The following PTPRS variants were observed in gnomAD, a reference collection of about 807,000 sequenced individuals.
PTPRS encodes receptor-type tyrosine-protein phosphatase S.
In PTPRS, 63 loss-of-function variants were observed where a neutral mutation model predicts 215.3. That is an observed-to-expected ratio of 0.29 (90% CI 0.24 to 0.36). PTPRS has a LOEUF of 0.36. Among genes scored for constraint, PTPRS ranks in the 10% least tolerant of loss-of-function variants. The pLI, the probability that PTPRS is intolerant of heterozygous loss-of-function variation, is 1.00. For synonymous variants in PTPRS, 1,404 were observed against 1,191.4 expected (o/e 1.18, Z -3.68); for missense variants, 2,258 against 2,825.8 (o/e 0.80, Z 4.56).
At chr19:5,249,466 G>T (rs993946253) in intron 9 of PTPRS, among the ~76,000 whole-genome samples, 1 of 152,218 alleles carries the variant, frequency 6.6e-6, no homozygotes, top group African/African-American at 2.4e-5. Flanking sequence ...ACTCAGAGAG[G>T]TGACAAGACT....
At chr19:5,315,491 G>A (rs1432620506) in intron 1 of PTPRS, among the ~76,000 whole-genome samples, 1 of 150,018 alleles carries the variant, frequency 6.7e-6, no homozygotes, top group African/African-American at 2.5e-5. Flanking sequence ...AGCCTCCCGA[G>A]TAGCTGTGGC....
intron 1 of PTPRS, among the ~76,000 whole-genome samples, chr19:5,304,725 C>T (rs1291635253): frequency 1.3e-5 from 2 of 151,958 alleles, no homozygotes; most frequent in Non-Finnish European, 2.9e-5. Context: ...GAGGTGATGT[C>T]TAAGATGAGA....
rs1014303618 is a variant in PTPRS, at chr19:5,223,054, A to C, written c.2738T>G (p.Leu913Arg). Residue 913 changes from leucine to arginine, a missense_variant, in exon 18 of 38, where the codon CTG becomes CGG. This residue lies in a region of PTPRS where 361 missense variants were observed against 332.6 expected (regional missense o/e 1.09). Transcript: ENST00000262963. ...FRLAARSRGG[L>R]GEEAAEVLSI... The stretch of plus-strand genomic sequence containing the variant: ...CAGGACCTCGGCTGCCTCCTCGCCC[A>C]GGCCGCCGCGGCTCCGGGCCGCAAG... 1.4e-5 allele frequency: 21 copies of C among 1,549,980 alleles called. No homozygotes were observed. In the Admixed American group the frequency reaches 1.9e-4, roughly 14 times the overall value.
intron 1 of PTPRS, among the ~76,000 whole-genome samples, chr19:5,331,127 T>TAAAAA (rs1568622692): frequency 1.2e-4 from 10 of 80,696 alleles, no homozygotes; most frequent in African/African-American, 4.3e-4. Context: ...GCTTCTTTTT[T>TAAAAA]TAAAAAAAAA....
chr19:5,234,073 C>A (rs1424203766), intron 13 of PTPRS, among the ~76,000 whole-genome samples: 1 of 145,878 alleles, frequency 6.9e-6, no homozygotes, highest in African/African-American at 2.5e-5. Context: ...GGGCTTCATA[C>A]AATAACAGCA....
chr19:5,239,043 C>A lies in PTPRS; in HGVS notation c.1725G>T (p.Pro575=). 2 of 1,612,202 alleles carry A rather than the reference C, an allele frequency of 1.2e-6. No individual in the cohort carries two copies. Among genetic ancestry groups the A allele is most frequent in the East Asian group, 2.2e-5 (1 of 44,714 alleles). Residue 575 remains proline, a synonymous_variant, in exon 13 of 38, where the codon CCG becomes CCT. Transcript: ENST00000262963. ...GGTCCTCCACCACGTAGGAAGTCGTCGGGTCGAAGGTCCTTCCCACCTGGG... is the reference window on the plus strand; with the variant it reads ...GGTCCTCCACCACGTAGGAAGTCGTAGGGTCGAAGGTCCTTCCCACCTGGG... ...HGREVGRTFD[P]TTSYVVEDLK... is the part of the protein sequence containing the mutation.
intron 35 of PTPRS, among the ~76,000 whole-genome samples, chr19:5,209,318 C>T (rs1451363336): frequency 2.0e-5 from 3 of 152,088 alleles, no homozygotes; most frequent in Admixed American, 6.6e-5. Context: ...TGCCATTTTC[C>T]ACCATCCATC....
intron 4 of PTPRS, among the ~76,000 whole-genome samples, chr19:5,271,446 G>A (rs1170262302): frequency 2.0e-5 from 3 of 149,376 alleles, no homozygotes; most frequent in African/African-American, 7.5e-5. Context: ...CGCCCAGACT[G>A]GAGTGCGATG....
At chr19:5,224,347 G>A (rs745946580) in intron 17 of PTPRS, among the ~76,000 whole-genome samples, 17 of 152,148 alleles carry the variant, frequency 1.1e-4, no homozygotes, top group Non-Finnish European at 1.8e-4. Context: ...AGCACAGCAA[G>A]GAAGTGAGGA....
chr19:5,323,001 C>A (rs886616101), intron 1 of PTPRS, among the ~76,000 whole-genome samples: 8 of 151,990 alleles, frequency 5.3e-5, no homozygotes, highest in African/African-American at 1.4e-4. Flanking sequence ...ATGCCTGGAG[C>A]CCTACTGTGT....
chr19:5,264,465 A>G (rs1219527812), intron 5 of PTPRS, among the ~76,000 whole-genome samples: 1 of 152,100 alleles, frequency 6.6e-6, no homozygotes, highest in Non-Finnish European at 1.5e-5. Context: ...GCCGATACCC[A>G]CCATCCTTGG....
intron 9 of PTPRS, among the ~76,000 whole-genome samples, chr19:5,255,638 A>G (rs939415808): frequency 2.0e-5 from 3 of 152,222 alleles, no homozygotes; most frequent in African/African-American, 7.2e-5. Flanking sequence ...AGAGAAAAAC[A>G]GAACAGAAGA....
chr19:5,340,291 G>A (rs1271139913), intron 1 of PTPRS, among the ~76,000 whole-genome samples: 4 of 149,862 alleles, frequency 2.7e-5, no homozygotes, highest in East Asian at 2.0e-4. Context: ...GCCCCCCTCC[G>A]CGCCTCTGCC....
intron 2 of PTPRS, among the ~76,000 whole-genome samples, chr19:5,282,797 CAAA>C (rs553419452): frequency 2.6e-5 from 3 of 114,122 alleles, no homozygotes. Flanking sequence ...GACTTCATCT[CAAA>C]AAAAAAAAAA....
In PTPRS at chr19:5,206,508, C is replaced by T. The variant is rs1343162764; in HGVS notation, c.*266G>A. On this transcript the variant is annotated 3_prime_UTR_variant, in exon 38 of 38. Transcript: ENST00000262963. ...CTCACCATCCCCCCACCCCCCACCC[C>T]GGAATCTGGTTTTGGAATTGGAAGG... 4 of 360,268 alleles carry T rather than the reference C, an allele frequency of 1.1e-5. No homozygotes were observed. Among genetic ancestry groups the T allele is most frequent in the Middle Eastern group, 7.6e-4 (1 of 1,316 alleles). 22.3% of individuals were successfully genotyped at this position (360,268 alleles called of 1,614,324 possible).
At chr19:5,292,553 A>G (rs2048908448) in intron 1 of PTPRS, among the ~76,000 whole-genome samples, 2 of 152,152 alleles carry the variant, frequency 1.3e-5, no homozygotes, top group African/African-American at 4.8e-5. Flanking sequence ...AGACAACACC[A>G]CAGGCCCCTC....
chr19:5,212,383 T>C lies in PTPRS; in HGVS notation c.4723A>G (p.Lys1575Glu). 2 of 1,608,988 alleles carry C rather than the reference T, an allele frequency of 1.2e-6. No individual in the cohort carries two copies. Among genetic ancestry groups the C allele is most frequent in the Non-Finnish European group, 1.7e-6 (2 of 1,177,648 alleles). ...TPFLAFLRRVKTCNPPDAGPI... is the reference protein window; with the variant it reads ...TPFLAFLRRVETCNPPDAGPI... ...CCGGCATCTGGCGGGTTGCAGGTCT[T>C]GACTCTCCGCAGGAAAGCCAGGAAG... Residue 1575 changes from lysine to glutamate, a missense_variant, in exon 31 of 38, where the codon AAG becomes GAG. Physicochemically the swap from Lys to Glu is moderately conservative, Grantham distance 56. Coordinates refer to ENST00000262963, the MANE Select transcript of PTPRS (RefSeq NM_002850.4).
Position 5,290,157 on chromosome 19 carries a change from G to A in PTPRS, c.-94-3923C>T, listed in dbSNP as rs529287245. Among the ~76,000 whole-genome samples the A allele has an allele frequency of 3.2e-3, 483 of 152,276 alleles. 5 individuals carry two copies. The highest frequency in any genetic ancestry group is 0.011 in the African/African-American group (469 of 41,550). On this transcript the variant is annotated intron_variant, in intron 1 of 37. Transcript: ENST00000262963. Reference sequence around the variant, plus strand: ...TGGGGCTCAGGGAGGGTCTCTGCCCGCCCCACCTGGCTCTCAGGGGCTGCA... The same window carrying A: ...TGGGGCTCAGGGAGGGTCTCTGCCCACCCCACCTGGCTCTCAGGGGCTGCA...
chr19:5,258,059 C>T lies in PTPRS; in HGVS notation c.664G>A (p.Ala222Thr). Residue 222 changes from alanine (A) to threonine (T), a missense_variant, in exon 8 of 38, where the codon GCC becomes ACC. This residue lies in a region of PTPRS where 508 missense variants were observed against 799.4 expected (regional missense o/e 0.64). Transcript: ENST00000262963. ...GCAGGTGAGGAGTAGCGCACGCCGG[C>T]GCTGTTGGTGGCCACACACTCATAT... ...GKYECVATNS[A>T]GVRYSSPANL... is the part of the protein sequence containing the mutation. 6.2e-7 allele frequency: 1 copy of T among 1,614,176 alleles called. No homozygotes were observed. The highest frequency in any genetic ancestry group is 8.5e-7 in the Non-Finnish European group (1 of 1,180,026).
Sources: allele counts gnomAD v4.1 joint callset (sites outside exome capture counted in the v4.1 genomes callset), GRCh38; gene constraint gnomAD v4.1.1; regional missense constraint gnomAD v4.1.1; transcripts MANE v1.5; gene names NCBI Gene and HGNC (gene_info 2026-07-23, HGNC 2026-07-21).